ADAMTSL1: variants seen among roughly 807,000 people sequenced by gnomAD.
The protein encoded by ADAMTSL1 is ADAMTS like 1.
A neutral mutation model predicts 201.8 loss-of-function variants in ADAMTSL1; 126 were observed. The observed-to-expected ratio is 0.62, with a 90% confidence interval of 0.54 to 0.72. The LOEUF (loss-of-function observed/expected upper bound fraction) is 0.72. Among genes scored for constraint, ADAMTSL1 ranks in the 30% least tolerant of loss-of-function variants. The pLI, the probability that ADAMTSL1 is intolerant of heterozygous loss-of-function variation, is 0.00. For synonymous variants in ADAMTSL1, 1,121 were observed against 903.4 expected (o/e 1.24, Z -4.32); for missense variants, 2,679 against 2,277.8 (o/e 1.18, Z -3.59).
At chr9:18,843,333 T>C (rs1825856961) in intron 23 of ADAMTSL1, among the ~76,000 whole-genome samples, 1 of 150,986 alleles carries the variant, frequency 6.6e-6, no homozygotes, top group African/African-American at 2.5e-5. Flanking sequence ...GGTTGAAAAT[T>C]CTTTTCTTTA....
At chr9:18,140,764 G>A (rs1424620763) in intron 1 of ADAMTSL1, among the ~76,000 whole-genome samples, 1 of 152,126 alleles carries the variant, frequency 6.6e-6, no homozygotes, top group African/African-American at 2.4e-5. Context: ...GCCTTTCAAA[G>A]GATAGCAGTC....
chr9:18,824,761 G>C (rs1824431829), intron 21 of ADAMTSL1, among the ~76,000 whole-genome samples: 1 of 135,920 alleles, frequency 7.4e-6, no homozygotes, highest in African/African-American at 2.7e-5. Flanking sequence ...GCAGTGAGGT[G>C]ATCTCGGCTC....
intron 2 of ADAMTSL1, among the ~76,000 whole-genome samples, chr9:18,204,031 C>A (rs573925011): frequency 2.6e-5 from 4 of 152,086 alleles, no homozygotes; most frequent in Non-Finnish European, 5.9e-5. Flanking sequence ...TTGAGCAGGG[C>A]GCTAAGTATC....
intron 9 of ADAMTSL1, among the ~76,000 whole-genome samples, chr9:18,670,630 G>C (rs1314064952): frequency 6.6e-6 from 1 of 151,974 alleles, no homozygotes; most frequent in Non-Finnish European, 1.5e-5. Context: ...TTGCTTTTTT[G>C]TTTTAATTTT....
chr9:18,462,627 A>G (rs1477793755), intron 2 of ADAMTSL1, among the ~76,000 whole-genome samples: 1 of 152,150 alleles, frequency 6.6e-6, no homozygotes, highest in Non-Finnish European at 1.5e-5. Context: ...AGCAATCAAA[A>G]GGATTTAATC....
intron 6 of ADAMTSL1, among the ~76,000 whole-genome samples, chr9:18,637,383 T>C (rs1309971071): frequency 1.3e-5 from 2 of 152,158 alleles, no homozygotes; most frequent in East Asian, 3.9e-4. Flanking sequence ...TAACAGATAC[T>C]GAAATAAAAT....
At position 18,611,242 on chromosome 9, in the gene ADAMTSL1, C is replaced by G. The variant is rs537690159; in HGVS notation, c.475-11001C>G. On this transcript the variant is annotated intron_variant, in intron 4 of 28. Transcript: ENST00000380548. ...GAAGTGAGGCCAAATTCAACACTTT[C>G]CCTCTTGGGTACTTCACAGTCTGAG... 1.2e-4 allele frequency among the ~76,000 whole-genome samples: 19 copies of G among 152,290 alleles called. No homozygotes were observed. In the South Asian group the frequency reaches 3.7e-3, roughly 30 times the overall value.
In ADAMTSL1 at chr9:18,689,719, C is replaced by G. The variant is rs1005059282; in HGVS notation, c.1574+4919C>G. On this transcript the variant is annotated intron_variant, in intron 13 of 28. Transcript: ENST00000380548. ...AAGAAGCAATGGGATATGCCAGTTG[C>G]TTTGGACACAGTGTGGCCAAGATAG... 5.1e-4 allele frequency among the ~76,000 whole-genome samples: 78 copies of G among 152,150 alleles called. 1 individual carries two copies. Among genetic ancestry groups the G allele is most frequent in the Admixed American group, 2.0e-4 (3 of 15,266 alleles).
At chr9:18,482,267 C>G (rs1358457423) in intron 1 of ADAMTSL1, among the ~76,000 whole-genome samples, 1 of 152,186 alleles carries the variant, frequency 6.6e-6, no homozygotes, top group African/African-American at 2.4e-5. Context: ...CTAATAGTTT[C>G]ACCACCTGTG....
At chr9:18,114,668 A>G (rs1326058152) in intron 1 of ADAMTSL1, among the ~76,000 whole-genome samples, 1 of 152,192 alleles carries the variant, frequency 6.6e-6, no homozygotes, top group Non-Finnish European at 1.5e-5. Flanking sequence ...CAAAATATTA[A>G]GAGAAAAAAA....
intron 1 of ADAMTSL1, among the ~76,000 whole-genome samples, chr9:17,972,121 A>G (rs925873893): frequency 6.6e-6 from 1 of 151,678 alleles, no homozygotes; most frequent in Non-Finnish European, 1.5e-5. Flanking sequence ...TTGTGGTGAG[A>G]ACATTTAAGT....
chr9:18,675,471 C>T lies in ADAMTSL1; in HGVS notation c.1086-386C>T, dbSNP rs16936958. ...TGAGACAGTTACTGTAATTGCTTGG[C>T]GAGCATCTGGAAGTAACATGAATAA... On this transcript the variant is annotated intron_variant, in intron 9 of 28. Transcript: ENST00000380548. Among the ~76,000 whole-genome samples the T allele has an allele frequency of 9.3e-3, 1,408 of 152,172 alleles. 13 individuals are homozygous for T. The highest frequency in any genetic ancestry group is 0.03 in the African/African-American group (1,262 of 41,528).
chr9:18,674,504 A>C (rs1229212132), intron 9 of ADAMTSL1, among the ~76,000 whole-genome samples: 1 of 151,866 alleles, frequency 6.6e-6, no homozygotes, highest in Non-Finnish European at 1.5e-5. Flanking sequence ...ATCTCCAGCC[A>C]GTGCTATTTT....
chr9:18,477,748 G>A (rs930210806), intron 1 of ADAMTSL1, among the ~76,000 whole-genome samples: 2 of 152,172 alleles, frequency 1.3e-5, no homozygotes, highest in Non-Finnish European at 2.9e-5. Context: ...TTTTTGTGAA[G>A]TTTCTTGTCT....
chr9:18,760,466 T>A (rs932235917), intron 16 of ADAMTSL1, among the ~76,000 whole-genome samples: 1 of 152,192 alleles, frequency 6.6e-6, no homozygotes, highest in Non-Finnish European at 1.5e-5. Flanking sequence ...AACCCCTGCA[T>A]AGGGTTATGA....
chr9:18,173,929 G>C (rs2132137305), intron 2 of ADAMTSL1, among the ~76,000 whole-genome samples: 1 of 152,016 alleles, frequency 6.6e-6, no homozygotes, highest in Admixed American at 6.6e-5. Context: ...TTTTCTTCAG[G>C]TTAGTATTCA....
At chr9:17,946,058 ATGTGTGTGTGTGTGTGTGTGTGTGTG>A (rs769591352) in intron 1 of ADAMTSL1, among the ~76,000 whole-genome samples, 12 of 148,156 alleles carry the variant, frequency 8.1e-5, no homozygotes, top group Admixed American at 1.3e-4. Context: ...CATGATGTGT[ATGTGTGTGTGTGTGTGTGTGTGTGTG>A]TGTGTGTGTG....
At chr9:18,240,605 G>C (rs1831024634) in intron 2 of ADAMTSL1, among the ~76,000 whole-genome samples, 1 of 152,132 alleles carries the variant, frequency 6.6e-6, no homozygotes, top group Admixed American at 6.5e-5. Flanking sequence ...TCTCCTATCT[G>C]CTACTGAAAG....
chr9:18,835,648 G>T (rs969813968), intron 23 of ADAMTSL1, among the ~76,000 whole-genome samples: 3 of 152,072 alleles, frequency 2.0e-5, no homozygotes, highest in African/African-American at 7.2e-5. Context: ...TTCAGCTCTT[G>T]CCCTGTTCCT....
Sources: gnomAD v4.1 joint callset for allele counts (sites outside exome capture counted in the v4.1 genomes callset) on GRCh38, gnomAD v4.1.1 for gene constraint, MANE v1.5 for transcripts, NCBI Gene and HGNC (gene_info 2026-07-23, HGNC 2026-07-21) for gene names.